The following DNAJC15 variants were observed in gnomAD, a reference collection of about 807,000 sequenced individuals.
DNAJC15 encodes the protein DnaJ heat shock protein family (Hsp40) member C15.
A neutral mutation model predicts 22.4 loss-of-function variants in DNAJC15; 27 were observed. The ratio of observed to expected loss-of-function variants is 1.20; its 90% confidence interval spans 0.89 to 1.66. The LOEUF is 1.66. DNAJC15 is among the 40% of genes most tolerant of loss of function. The pLI is 0.00. For missense variants in DNAJC15, 208 were observed against 187.1 expected (o/e 1.11, Z -0.65); for synonymous variants, 79 against 63.2 (o/e 1.25, Z -1.19).
At chr13:43,094,174 C>G (rs1208550039) in intron 5 of DNAJC15, among the ~76,000 whole-genome samples, 1 of 152,154 alleles carries the variant, frequency 6.6e-6, no homozygotes, top group East Asian at 1.9e-4. Flanking sequence ...ATCTATTGGT[C>G]TATCTTTTAC....
At chr13:43,091,419 T>C (rs1431468104) in intron 5 of DNAJC15, among the ~76,000 whole-genome samples, 1 of 152,194 alleles carries the variant, frequency 6.6e-6, no homozygotes, top group Non-Finnish European at 1.5e-5. Flanking sequence ...ACACATCTCT[T>C]TCACATTTTT....
At chr13:43,031,396 CAGG>C in intron 1 of DNAJC15, among the ~76,000 whole-genome samples, 1 of 152,202 alleles carries the variant, frequency 6.6e-6, no homozygotes, top group Admixed American at 6.5e-5. Context: ...TGGAGGCCTT[CAGG>C]AGAATCAAGC....
At chr13:43,062,269 G>A (rs1305404460) in intron 1 of DNAJC15, among the ~76,000 whole-genome samples, 1 of 152,166 alleles carries the variant, frequency 6.6e-6, no homozygotes, top group African/African-American at 2.4e-5. Flanking sequence ...CTCAACAGGA[G>A]CTGTGGCCAA....
intron 3 of DNAJC15, among the ~76,000 whole-genome samples, chr13:43,069,431 T>G (rs1404583209): frequency 6.6e-6 from 1 of 152,114 alleles, no homozygotes; most frequent in Non-Finnish European, 1.5e-5. Flanking sequence ...TTGAAACTAG[T>G]CCCCTTATAC....
In DNAJC15 at chr13:43,065,729, C is replaced by G. The variant is rs1177162502; in HGVS notation, c.152C>G (p.Ala51Gly). 1 of 1,613,050 alleles carries G rather than the reference C, an allele frequency of 6.2e-7. No individual in the cohort carries two copies. Among genetic ancestry groups the G allele is most frequent in the Non-Finnish European group, 8.5e-7 (1 of 1,179,570 alleles). ...IAVGLGVAALAFAGRYAFRIW... is the reference protein window; with the variant it reads ...IAVGLGVAALGFAGRYAFRIW... ...GTAGGACTGGGTGTTGCAGCTCTTGCATTTGCAGGTAAGATAAAGAATACA... is the reference window on the plus strand; with the variant it reads ...GTAGGACTGGGTGTTGCAGCTCTTGGATTTGCAGGTAAGATAAAGAATACA... The change falls in exon 2 of 6, where the codon GCA (alanine) becomes GGA (glycine). Residue 51 changes from alanine (A) to glycine (G), a missense_variant. Coordinates refer to ENST00000379221, the MANE Select transcript of DNAJC15 (RefSeq NM_013238.3).
rs147133245 is a variant in DNAJC15 at position 43,032,827 on chromosome 13, C to G, written c.108+9093C>G. Among the ~76,000 whole-genome samples, 42 of 151,634 alleles carry G rather than the reference C, an allele frequency of 2.8e-4. No individual in the cohort carries two copies. In the East Asian group the frequency reaches 8.0e-3, roughly 29 times the overall value. On this transcript the variant is annotated intron_variant, in intron 1 of 5. Transcript: ENST00000379221. ...GTGACAGAGCAAGACTCTGTCTCAA[C>G]AACAACAAAAAGAAGTAAGTACTGT...
At chr13:43,081,025 A>G (rs143012182) in intron 4 of DNAJC15, among the ~76,000 whole-genome samples, 5 of 152,330 alleles carry the variant, frequency 3.3e-5, no homozygotes, top group African/African-American at 9.6e-5. Flanking sequence ...TTGATAACCT[A>G]TTTTAAAAAT....
chr13:43,053,676 A>G (rs960125032), intron 1 of DNAJC15, among the ~76,000 whole-genome samples: 50 of 141,664 alleles, frequency 3.5e-4, no homozygotes, highest in Non-Finnish European at 5.5e-4. Context: ...CTTTGCAGCT[A>G]TTGTAAAAGG....
intron 5 of DNAJC15, among the ~76,000 whole-genome samples, chr13:43,098,728 A>G (rs1236720447): frequency 2.0e-5 from 3 of 152,130 alleles, no homozygotes; most frequent in East Asian, 3.9e-4. Context: ...TCCTGTTCTC[A>G]GTTCAGTTTC....
At chr13:43,084,234 T>G (rs1021931120) in intron 4 of DNAJC15, among the ~76,000 whole-genome samples, 17 of 152,232 alleles carry the variant, frequency 1.1e-4, no homozygotes, top group Non-Finnish European at 2.2e-4. Flanking sequence ...TTAGGTTATT[T>G]ACACTTTATT....
rs149680947 is a variant in DNAJC15, at chr13:43,073,863, GT to G, written c.235-4739del. On this transcript the variant is annotated intron_variant, in intron 3 of 5. Transcript: ENST00000379221. The stretch of plus-strand genomic sequence containing the variant: ...CAAGTGCCCTTTTGCTTGTTTTTTT[GT>G]TTTTTTTTTAAATTAATGTATTAAT... 3.1e-3 allele frequency among the ~76,000 whole-genome samples: 437 copies of G among 142,744 alleles called. 4 individuals carry two copies. The highest frequency in any genetic ancestry group is 9.1e-3 in the African/African-American group (352 of 38,812). 93.6% of individuals were successfully genotyped at this position (142,744 alleles called of 152,430 possible).
chr13:43,107,083 G>A, intron 5 of DNAJC15, 95 bp from the exon 6 acceptor site: 1 of 956,878 alleles, frequency 1.0e-6, no homozygotes, highest in Non-Finnish European at 1.5e-6. Context: ...TAATGTGTGA[G>A]ACAATATTCA....
intron 5 of DNAJC15, among the ~76,000 whole-genome samples, chr13:43,097,948 A>G: frequency 6.6e-6 from 1 of 152,186 alleles, no homozygotes; most frequent in East Asian, 1.9e-4. Flanking sequence ...AAAAAAAGAA[A>G]GGTCTAATTC....
intron 1 of DNAJC15, among the ~76,000 whole-genome samples, chr13:43,045,878 G>C (rs2040474994): frequency 6.6e-6 from 1 of 152,056 alleles, no homozygotes; most frequent in Admixed American, 6.5e-5. Context: ...TATTTTTCCT[G>C]TTAAAATTGT....
At position 43,101,355 on chromosome 13, in the gene DNAJC15, C is replaced by T. The variant is rs142498281; in HGVS notation, c.383-5823C>T. Reference sequence around the variant, plus strand: ...GGTCATGTTGTAATTTAATCCGGTGCGACAGCCTTTGCCTTTTGATTGGAT... The same window carrying T: ...GGTCATGTTGTAATTTAATCCGGTGTGACAGCCTTTGCCTTTTGATTGGAT... On this transcript the variant is annotated intron_variant, in intron 5 of 5. Transcript: ENST00000379221. Among the ~76,000 whole-genome samples, 118 of 152,276 alleles carry T rather than the reference C, an allele frequency of 7.7e-4. No individual in the cohort carries two copies. In the East Asian group the frequency reaches 9.3e-3, roughly 12 times the overall value.
At position 43,096,901 on chromosome 13, in the gene DNAJC15, C is replaced by T. The variant is rs756475275; in HGVS notation, c.383-10277C>T. Among the ~76,000 whole-genome samples the T allele has an allele frequency of 3.3e-5, 5 of 152,296 alleles. No individual in the cohort carries two copies. The East Asian group carries it at 7.7e-4, about 24-fold the overall frequency. On this transcript the variant is annotated intron_variant, in intron 5 of 5. Coordinates refer to ENST00000379221, the MANE Select transcript of DNAJC15 (RefSeq NM_013238.3). Reference sequence around the variant, plus strand: ...GAAGAAGACTAAGCTCTCCTCCTGACGGAAGAAACACCAAGTAGAGAGAGG... The same window carrying T: ...GAAGAAGACTAAGCTCTCCTCCTGATGGAAGAAACACCAAGTAGAGAGAGG...
At chr13:43,051,689 T>C (rs2040505001) in intron 1 of DNAJC15, among the ~76,000 whole-genome samples, 1 of 151,946 alleles carries the variant, frequency 6.6e-6, no homozygotes, top group Non-Finnish European at 1.5e-5. Flanking sequence ...CTTTATCCGC[T>C]CTTTGATGAG....
At chr13:43,080,821 G>A (rs531184092) in intron 4 of DNAJC15, among the ~76,000 whole-genome samples, 15 of 152,286 alleles carry the variant, frequency 9.8e-5, no homozygotes, top group African/African-American at 3.1e-4. Context: ...TGTCACGAAC[G>A]CAGAAGCTAG....
chr13:43,069,933 A>G (rs1320720737), intron 3 of DNAJC15, among the ~76,000 whole-genome samples: 1 of 152,310 alleles, frequency 6.6e-6, no homozygotes, highest in East Asian at 1.9e-4. Context: ...AAATATTTCA[A>G]AACTTACCAG....
Sources: gnomAD v4.1 joint callset for allele counts (sites outside exome capture counted in the v4.1 genomes callset) on GRCh38, gnomAD v4.1.1 for gene constraint, MANE v1.5 for transcripts, NCBI Gene and HGNC (gene_info 2026-07-23, HGNC 2026-07-21) for gene names.